The following EML5 variants were observed in gnomAD, a reference collection of about 807,000 sequenced individuals.
The protein encoded by EML5 is EMAP like 5.
Under a neutral mutation model 250.0 loss-of-function variants are expected in EML5, and 120 were observed. The ratio of observed to expected loss-of-function variants is 0.48; its 90% confidence interval spans 0.41 to 0.56. The LOEUF (loss-of-function observed/expected upper bound fraction) is 0.56, where lower values mean the gene tolerates loss of function less well. Ranked by LOEUF, EML5 falls within the 20% of genes least tolerant of loss-of-function variation. The probability of loss-of-function intolerance (pLI) is 0.00; values close to 1 mark genes in which losing one functional copy is unlikely to be tolerated. For synonymous variants in EML5, 771 were observed against 806.5 expected (o/e 0.96, Z 0.75); for missense variants, 2,006 against 2,437.6 (o/e 0.82, Z 3.73).
chr14:88,648,580 C>G (rs898694412), intron 28 of EML5, among the ~76,000 whole-genome samples: 3 of 152,098 alleles, frequency 2.0e-5, no homozygotes, highest in African/African-American at 7.2e-5. Flanking sequence ...TGATCTTTAA[C>G]TCCTGGCCTC....
intron 7 of EML5, among the ~76,000 whole-genome samples, chr14:88,729,423 G>A (rs1436064803): frequency 6.6e-6 from 1 of 151,954 alleles, no homozygotes; most frequent in Non-Finnish European, 1.5e-5. Flanking sequence ...CTGAAAGCTA[G>A]GAATAATTTT....
Position 88,627,650 on chromosome 14 carries a change from C to T in EML5, c.4527G>A (p.Gln1509=). 4.4e-6 allele frequency: 7 copies of T among 1,595,178 alleles called. No homozygotes were observed. The highest frequency in any genetic ancestry group is 6.0e-6 in the Non-Finnish European group (7 of 1,174,578). Reference sequence around the variant, plus strand: ...AAACACACAAAAGAATCCTACCTTCCTGCCATCTCCAAATGGTAATAGTAT... The same window carrying T: ...AAACACACAAAAGAATCCTACCTTCTTGCCATCTCCAAATGGTAATAGTAT... The part of the protein sequence containing the change: ...PEHTITIWRW[Q]EGAKIASRAG... Residue 1509 remains glutamine (Q), a synonymous_variant, in exon 34 of 44, where the codon CAG becomes CAA. Coordinates refer to ENST00000554922, the MANE Select transcript of EML5 (RefSeq NM_183387.3).
intron 29 of EML5, 25 bp from the exon 30 acceptor site, chr14:88,644,536 G>A: frequency 1.2e-6 from 2 of 1,610,532 alleles, no homozygotes; most frequent in Non-Finnish European, 1.7e-6. Context: ...TGGGGAGGAG[G>A]AAAGGCATGC....
At chr14:88,710,962 C>T (rs184926841) in intron 10 of EML5, among the ~76,000 whole-genome samples, 41 of 152,270 alleles carry the variant, frequency 2.7e-4, no homozygotes, top group Non-Finnish European at 4.3e-4. Flanking sequence ...AAATCCTATT[C>T]ACTTGACTAA....
intron 1 of EML5, among the ~76,000 whole-genome samples, chr14:88,763,609 C>T (rs530299095): frequency 6.6e-6 from 1 of 152,218 alleles, no homozygotes; most frequent in African/African-American, 2.4e-5. Flanking sequence ...CCTTCCAGAA[C>T]ACTTCCAAAC....
Position 88,662,081 on chromosome 14 carries a change from A to T in EML5, c.3499-251T>A, listed in dbSNP as rs578262040. 2.0e-5 allele frequency among the ~76,000 whole-genome samples: 3 copies of T among 152,236 alleles called. No individual in the cohort carries two copies. The East Asian group carries it at 5.8e-4, about 29-fold the overall frequency. ...CCACTGTGTGTTCTAGATGCTAAGC[A>T]TACAGTGTTAATAATAAAACCGTTT... On this transcript the variant is annotated intron_variant, in intron 24 of 43. Coordinates refer to ENST00000554922, the MANE Select transcript of EML5 (RefSeq NM_183387.3).
chr14:88,724,114 C>CAA (rs5810422), intron 8 of EML5, among the ~76,000 whole-genome samples: 37,865 of 145,122 alleles, frequency 0.26, 4,996 homozygotes, highest in East Asian at 0.4. Context: ...ACTAAAAATA[C>CAA]AAAAAAAAAA....
chr14:88,769,155 G>A (rs1295316217), intron 1 of EML5, among the ~76,000 whole-genome samples: 18 of 152,156 alleles, frequency 1.2e-4, no homozygotes. Context: ...TTGGATCTGT[G>A]TCCCCAACCA....
intron 2 of EML5, among the ~76,000 whole-genome samples, chr14:88,749,075 G>A (rs143920352): frequency 1.3e-5 from 2 of 151,016 alleles, no homozygotes; most frequent in East Asian, 1.9e-4. Flanking sequence ...AATTTAAGAC[G>A]TTCAACAAAT....
chr14:88,745,080 C>T (rs1405855734), intron 3 of EML5, among the ~76,000 whole-genome samples: 1 of 151,684 alleles, frequency 6.6e-6, no homozygotes, highest in Admixed American at 6.6e-5. Flanking sequence ...TAGTCATGTG[C>T]AAAATGCTTT....
intron 15 of EML5, 90 bp downstream of exon 15, chr14:88,696,757 G>T: frequency 1.3e-6 from 1 of 776,816 alleles, no homozygotes; most frequent in Non-Finnish European, 2.0e-6. Flanking sequence ...ACAGCTAAAT[G>T]ACAAGCTTAG....
intron 7 of EML5, among the ~76,000 whole-genome samples, chr14:88,734,197 T>A (rs966928331): frequency 6.6e-6 from 1 of 152,140 alleles, no homozygotes; most frequent in African/African-American, 2.4e-5. Flanking sequence ...ACCTAACTTT[T>A]AAAATTGGTA....
chr14:88,712,512 A>G (rs1425335166), intron 9 of EML5, 29 bp from the exon 10 acceptor site: 5 of 1,562,514 alleles, frequency 3.2e-6, no homozygotes, highest in Non-Finnish European at 2.6e-6. Context: ...CTTAATTTAA[A>G]AAGTTATTTC....
In EML5 at chr14:88,623,017, C is replaced by CTTT. The variant is rs33958046; in HGVS notation, c.4899-302_4899-300dup. 196 of 150,564 alleles carry CTTT rather than the reference C, an allele frequency of 1.3e-3. 1 individual carries two copies. In the East Asian group the frequency reaches 0.014, roughly 11 times the overall value. 9.3% of individuals were successfully genotyped at this position (150,564 alleles called of 1,614,324 possible). On this transcript the variant is annotated intron_variant, in intron 36 of 43. Coordinates refer to ENST00000554922, the MANE Select transcript of EML5 (RefSeq NM_183387.3). ...CAATACATTATCCTCTCTCATAATA[C>CTTT]TTTTTTTTTTTTTTTTAAGATGTAG... is the stretch of plus-strand genomic sequence containing the variant.
chr14:88,658,789 G>A (rs2091963251), intron 25 of EML5, among the ~76,000 whole-genome samples: 1 of 151,166 alleles, frequency 6.6e-6, no homozygotes, highest in Non-Finnish European at 1.5e-5. Flanking sequence ...TACCTTAAAT[G>A]TTCAAAGTAA....
At chr14:88,789,090 G>A (rs902918297) in intron 1 of EML5, among the ~76,000 whole-genome samples, 3 of 151,494 alleles carry the variant, frequency 2.0e-5, no homozygotes, top group East Asian at 1.9e-4. Context: ...AAAAGCTATC[G>A]CATTCTTGTA....
chr14:88,718,078 A>G (rs2093529912), intron 8 of EML5, among the ~76,000 whole-genome samples: 1 of 152,164 alleles, frequency 6.6e-6, no homozygotes, highest in Non-Finnish European at 1.5e-5. Flanking sequence ...TATCAAGGAA[A>G]ACACCTAGGT....
At chr14:88,666,546 A>T (rs2092312175) in intron 21 of EML5, among the ~76,000 whole-genome samples, 1 of 152,198 alleles carries the variant, frequency 6.6e-6, no homozygotes, top group African/African-American at 2.4e-5. Context: ...AAATATTTTT[A>T]AAAATCTAAT....
At chr14:88,711,328 G>A (rs181943586) in intron 10 of EML5, among the ~76,000 whole-genome samples, 24 of 128,288 alleles carry the variant, frequency 1.9e-4, no homozygotes, top group African/African-American at 6.5e-4. Flanking sequence ...TGCTGTTTTC[G>A]TGACAGTGAG....
Sources: allele counts gnomAD v4.1 joint callset (sites outside exome capture counted in the v4.1 genomes callset), GRCh38; gene constraint gnomAD v4.1.1; transcripts MANE v1.5; gene names NCBI Gene and HGNC (gene_info 2026-07-23, HGNC 2026-07-21).